The following VWC2 variants were observed in gnomAD, a reference collection of about 807,000 sequenced individuals.
VWC2 encodes the protein brorin.
A neutral mutation model predicts 29.8 loss-of-function variants in VWC2; 14 were observed. That is an observed-to-expected ratio of 0.47 (90% CI 0.31 to 0.74). The LOEUF (loss-of-function observed/expected upper bound fraction) is 0.74, where lower values mean the gene tolerates loss of function less well. Among genes scored for constraint, VWC2 ranks in the 30% least tolerant of loss-of-function variants. The pLI is 0.05. For synonymous variants in VWC2, 213 were observed against 199.0 expected (o/e 1.07, Z -0.59); for missense variants, 457 against 459.8 (o/e 0.99, Z 0.05).
intron 2 of VWC2, among the ~76,000 whole-genome samples, chr7:49,786,021 A>C (rs2128702498): frequency 6.6e-6 from 1 of 152,246 alleles, no homozygotes; most frequent in South Asian, 2.1e-4. Flanking sequence ...GACTTTTGCA[A>C]GGTATTTGTT....
chr7:49,887,689 G>A (rs1791960030), intron 3 of VWC2, among the ~76,000 whole-genome samples: 1 of 148,470 alleles, frequency 6.7e-6, no homozygotes, highest in Admixed American at 6.6e-5. Context: ...TATCAGAGAG[G>A]TTCATCCCGG....
intron 3 of VWC2, among the ~76,000 whole-genome samples, chr7:49,904,084 G>C (rs993114578): frequency 2.0e-5 from 3 of 152,136 alleles, no homozygotes; most frequent in Non-Finnish European, 4.4e-5. Flanking sequence ...CACATGGCTG[G>C]CAGAGAAGGG....
chr7:49,802,045 G>C (rs1227871493), intron 2 of VWC2, among the ~76,000 whole-genome samples: 2 of 152,232 alleles, frequency 1.3e-5, no homozygotes, highest in East Asian at 1.9e-4. Flanking sequence ...TACGTGGTGA[G>C]GGGATGGGCA....
At chr7:49,871,771 T>C (rs1476837726) in intron 3 of VWC2, among the ~76,000 whole-genome samples, 1 of 151,956 alleles carries the variant, frequency 6.6e-6, no homozygotes, top group Non-Finnish European at 1.5e-5. Context: ...ATATTGTCCT[T>C]GGAAAACAGC....
intron 2 of VWC2, among the ~76,000 whole-genome samples, chr7:49,783,255 G>A (rs188985974): frequency 2.6e-5 from 4 of 152,156 alleles, no homozygotes; most frequent in Admixed American, 6.5e-5. Context: ...GAAGTAAATG[G>A]CCCCCTCCAG....
chr7:49,827,050 A>T (rs1789410736), intron 3 of VWC2, among the ~76,000 whole-genome samples: 1 of 152,058 alleles, frequency 6.6e-6, no homozygotes. Flanking sequence ...AAGAATACAC[A>T]TTTCATTTTC....
intron 3 of VWC2, among the ~76,000 whole-genome samples, chr7:49,837,853 T>A (rs1293447133): frequency 6.6e-6 from 1 of 152,218 alleles, no homozygotes; most frequent in Admixed American, 6.5e-5. Flanking sequence ...AGCATATTTA[T>A]TTCTTATTTT....
chr7:49,824,520 T>C (rs755207559), intron 3 of VWC2, among the ~76,000 whole-genome samples: 2 of 152,176 alleles, frequency 1.3e-5, no homozygotes, highest in African/African-American at 2.4e-5. Context: ...TCCAACTTTA[T>C]TTTTTAAAAT....
intron 3 of VWC2, among the ~76,000 whole-genome samples, chr7:49,870,848 C>T (rs1791120278): frequency 6.6e-6 from 1 of 152,112 alleles, no homozygotes; most frequent in African/African-American, 2.4e-5. Flanking sequence ...TGGGAGAATC[C>T]CAGTTCAAGA....
At chr7:49,881,447 C>T (rs974111311) in intron 3 of VWC2, among the ~76,000 whole-genome samples, 4 of 152,146 alleles carry the variant, frequency 2.6e-5, no homozygotes, top group Non-Finnish European at 4.4e-5. Flanking sequence ...AGAGAGAGCA[C>T]TAATTGTGCC....
At chr7:49,851,456 C>A (rs1300439225) in intron 3 of VWC2, among the ~76,000 whole-genome samples, 2 of 152,186 alleles carry the variant, frequency 1.3e-5, no homozygotes, top group Non-Finnish European at 2.9e-5. Context: ...GGAAAGGGGA[C>A]ACTTGCTTAG....
At chr7:49,802,214 G>C (rs550044210) in intron 2 of VWC2, among the ~76,000 whole-genome samples, 5 of 152,230 alleles carry the variant, frequency 3.3e-5, no homozygotes, top group Non-Finnish European at 7.3e-5. Flanking sequence ...GGCCCGTCCT[G>C]TGCGTTTGCA....
intron 3 of VWC2, among the ~76,000 whole-genome samples, chr7:49,818,179 T>C (rs1789188996): frequency 6.6e-6 from 1 of 151,956 alleles, no homozygotes; most frequent in South Asian, 2.1e-4. Flanking sequence ...CAAAGAAAAA[T>C]TTTCTAGTCA....
At chr7:49,828,087 C>T in intron 3 of VWC2, among the ~76,000 whole-genome samples, 1 of 152,128 alleles carries the variant, frequency 6.6e-6, no homozygotes, top group East Asian at 1.9e-4. Flanking sequence ...ATTATTTCCG[C>T]TTGTTCAGAG....
At chr7:49,911,978 ATATATAT>A (rs1793477578) in intron 3 of VWC2, 49 bp from the exon 4 acceptor site, 1 of 1,355,422 alleles carries the variant, frequency 7.4e-7, no homozygotes, top group African/African-American at 1.5e-5. Flanking sequence ...ATACCTAATT[ATATATAT>A]TATATATTTA....
rs564653947 is a variant in VWC2 at position 49,830,009 on chromosome 7, C to T, written c.826+27169C>T. ...TATTGCTGCTTAGGAAGATTTTTTA[C>T]AGTCATGGGACTGTGTTTACAGATT... On this transcript the variant is annotated intron_variant, in intron 3 of 3. Coordinates refer to ENST00000340652, the MANE Select transcript of VWC2 (RefSeq NM_198570.5). Among the ~76,000 whole-genome samples, 3 of 152,326 alleles carry T rather than the reference C, an allele frequency of 2.0e-5. No homozygotes were observed. The South Asian group carries it at 6.2e-4, about 32-fold the overall frequency.
intron 3 of VWC2, among the ~76,000 whole-genome samples, chr7:49,870,580 C>T (rs1444083237): frequency 6.6e-6 from 1 of 152,030 alleles, no homozygotes. Flanking sequence ...GAATACAGGG[C>T]ATGTCTTACG....
intron 3 of VWC2, among the ~76,000 whole-genome samples, chr7:49,901,674 A>G (rs1792735968): frequency 6.6e-6 from 1 of 151,940 alleles, no homozygotes; most frequent in Non-Finnish European, 1.5e-5. Context: ...AAGCAATTTT[A>G]TAGTTATCAA....
chr7:49,776,239 G>C lies in VWC2; in HGVS notation c.696+108G>C, dbSNP rs550752442. On this transcript the variant is annotated intron_variant, in intron 2 of 3. Transcript: ENST00000340652. ...AAGAAGAGGTGCTCTCTGGTTCTGAGAGGTGGAGAGCACTGTGCTCACGTC... is the reference window on the plus strand; with the variant it reads ...AAGAAGAGGTGCTCTCTGGTTCTGACAGGTGGAGAGCACTGTGCTCACGTC... 94 of 989,116 alleles carry C rather than the reference G, an allele frequency of 9.5e-5. No individual in the cohort carries two copies. In the East Asian group the frequency reaches 2.4e-3, roughly 26 times the overall value. 61.3% of individuals were successfully genotyped at this position (989,116 alleles called of 1,614,324 possible). A position where few individuals can be genotyped will look rare whatever the true frequency, so the allele number is the denominator to read the frequency against.
Sources: gnomAD v4.1 joint callset for allele counts (sites outside exome capture counted in the v4.1 genomes callset) on GRCh38, gnomAD v4.1.1 for gene constraint, MANE v1.5 for transcripts, NCBI Gene and HGNC (gene_info 2026-07-23, HGNC 2026-07-21) for gene names.